WRN: variants seen among roughly 807,000 people sequenced by gnomAD.
The protein encoded by WRN is bifunctional 3'-5' exonuclease/ATP-dependent helicase WRN.
Under a neutral mutation model 180.7 loss-of-function variants are expected in WRN, and 149 were observed. That is an observed-to-expected ratio of 0.82 (90% CI 0.72 to 0.94). The LOEUF (loss-of-function observed/expected upper bound fraction) is 0.94. WRN is among the 40% of genes least tolerant of loss of function. WRN has a pLI of 0.00. For synonymous variants in WRN, 548 were observed against 568.9 expected, an observed-to-expected ratio of 0.96 and a Z score of 0.52; for missense variants, 1,661 against 1,700.1, an observed-to-expected ratio of 0.98 and a Z score of 0.40.
chr8:31,099,533 C>G (rs1256394756), intron 17 of WRN, among the ~76,000 whole-genome samples: 1 of 151,486 alleles, frequency 6.6e-6, no homozygotes, highest in Non-Finnish European at 1.5e-5. Context: ...GACTTTGACC[C>G]CATGTTTAGT....
intron 30 of WRN, among the ~76,000 whole-genome samples, chr8:31,148,521 C>T (rs1336692965): frequency 6.6e-6 from 1 of 152,100 alleles, no homozygotes. Flanking sequence ...GATTGTTTAT[C>T]ACTTGTTGAA....
At chr8:31,142,529 A>G in intron 26 of WRN, 97 bp from the exon 27 acceptor site, 1 of 948,344 alleles carries the variant, frequency 1.1e-6, no homozygotes, top group Non-Finnish European at 1.5e-6. Context: ...TAAAAGGGTA[A>G]TATCTTATTC....
rs1390394847 is a variant in WRN at position 31,081,129 on chromosome 8, G to A, written c.1102G>A (p.Glu368Lys). ...DGEDVLGNKV[E>K]RKEDGFEDGV... ...AGAAGATGTACTTGGAAATAAAGTGGAACGAAAAGAAGATGGATTTGAAGA... is the reference window on the plus strand; with the variant it reads ...AGAAGATGTACTTGGAAATAAAGTGAAACGAAAAGAAGATGGATTTGAAGA... The change falls in exon 9 of 35, where the codon GAA becomes AAA. Residue 368 changes from glutamate to lysine, a missense_variant. Physicochemically the swap from Glu to Lys is moderately conservative, Grantham distance 56. Around this residue, in one of 3 missense-constraint regions of WRN, gnomAD observed 500 missense variants for 504.1 expected, o/e 0.99. Transcript: ENST00000298139. 5 of 1,613,966 alleles carry A rather than the reference G, an allele frequency of 3.1e-6. No homozygotes were observed. The highest frequency in any genetic ancestry group is 1.3e-5 in the African/African-American group (1 of 74,994).
intron 29 of WRN, 35 bp from the exon 30 acceptor site, chr8:31,147,329 C>A: frequency 6.3e-7 from 1 of 1,598,102 alleles, no homozygotes; most frequent in South Asian, 1.1e-5. Flanking sequence ...TTTAAGTACA[C>A]TTTAAAAAGT....
chr8:31,035,578 G>A (rs1291054826), intron 1 of WRN, among the ~76,000 whole-genome samples: 1 of 152,124 alleles, frequency 6.6e-6, no homozygotes, highest in Non-Finnish European at 1.5e-5. Context: ...GAAAATTGGG[G>A]CTTTCATTCT....
chr8:31,116,890 G>C (rs1479096466), intron 20 of WRN, among the ~76,000 whole-genome samples: 1 of 152,178 alleles, frequency 6.6e-6, no homozygotes, highest in Non-Finnish European at 1.5e-5. Flanking sequence ...ACTAGCAGGT[G>C]CAAAGACACT....
At position 31,130,019 on chromosome 8, in the gene WRN, AC is replaced by A. The variant is rs202227632; in HGVS notation, c.2826-2345del. ...ACTCTTGTCTCAAAAAAAAAACAAA[AC>A]AAAACAAAAAAAAAAACTAGTAAGA... is the stretch of plus-strand genomic sequence containing the variant. On this transcript the variant is annotated intron_variant, in intron 23 of 34. Transcript: ENST00000298139. Among the ~76,000 whole-genome samples the A allele has an allele frequency of 6.1e-3, 857 of 139,890 alleles. 47 individuals carry two copies. The highest frequency in any genetic ancestry group is 0.022 in the African/African-American group (765 of 34,134). The allele number at this position is 139,890 out of a possible 152,430, so 91.8% of individuals were successfully genotyped here.
intron 1 of WRN, among the ~76,000 whole-genome samples, chr8:31,055,791 T>TTAA (rs1812250093): frequency 6.6e-6 from 1 of 152,218 alleles, no homozygotes; most frequent in Non-Finnish European, 1.5e-5. Flanking sequence ...TCATACATGC[T>TTAA]CAACGACATA....
chr8:31,146,217 A>G (rs1003873620), intron 28 of WRN, among the ~76,000 whole-genome samples: 4 of 151,060 alleles, frequency 2.6e-5, no homozygotes, highest in Non-Finnish European at 5.9e-5. Context: ...ATCTCCTATT[A>G]TGGTAGATTT....
rs1812380276 is a variant in WRN, at chr8:31,058,947, G to A, written c.97-206G>A. Among the ~76,000 whole-genome samples, 4 of 152,272 alleles carry A rather than the reference G, an allele frequency of 2.6e-5. No homozygotes were observed. The East Asian group carries it at 5.8e-4, about 22-fold the overall frequency. Reference sequence around the variant, plus strand: ...TTTATGAAAATGGGATTAGAGGTTTGAAAATAAACTTGTTAGGAGAAATAA... The same window carrying A: ...TTTATGAAAATGGGATTAGAGGTTTAAAAATAAACTTGTTAGGAGAAATAA... On this transcript the variant is annotated intron_variant, in intron 2 of 34. Coordinates refer to ENST00000298139, the MANE Select transcript of WRN (RefSeq NM_000553.6).
intron 15 of WRN, 40 bp downstream of exon 15, chr8:31,090,982 T>C (rs201998871): frequency 1.4e-6 from 2 of 1,473,162 alleles, no homozygotes; most frequent in Non-Finnish European, 1.9e-6. Context: ...ACCCTCTTTT[T>C]TTCTTCTGTG....
At chr8:31,126,082 A>G (rs953592591) in intron 23 of WRN, among the ~76,000 whole-genome samples, 2 of 151,998 alleles carry the variant, frequency 1.3e-5, no homozygotes, top group Admixed American at 6.6e-5. Flanking sequence ...GCATCTCTCA[A>G]TAATCAATAA....
At chr8:31,170,738 A>G (rs1381870488) in intron 34 of WRN, among the ~76,000 whole-genome samples, 1 of 152,190 alleles carries the variant, frequency 6.6e-6, no homozygotes, top group Non-Finnish European at 1.5e-5. Context: ...CTGATGAAGG[A>G]AATAGACACT....
chr8:31,166,885 G>A, intron 33 of WRN, 137 bp from the exon 34 acceptor site: 2 of 783,590 alleles, frequency 2.6e-6, no homozygotes, highest in Non-Finnish European at 4.0e-6. Context: ...AAGGCTATAG[G>A]CATTTGAAAG....
intron 1 of WRN, among the ~76,000 whole-genome samples, chr8:31,039,911 T>C (rs899097635): frequency 2.0e-5 from 3 of 152,210 alleles, no homozygotes; most frequent in Admixed American, 2.0e-4. Context: ...ACTTATGTTA[T>C]ATAGTCCTTT....
intron 1 of WRN, among the ~76,000 whole-genome samples, chr8:31,042,097 G>A (rs1335302483): frequency 6.6e-6 from 1 of 152,200 alleles, no homozygotes; most frequent in African/African-American, 2.4e-5. Flanking sequence ...TGTTGGAATT[G>A]AGTTTCTAGA....
At chr8:31,117,299 GC>G (rs1191229464) in intron 20 of WRN, among the ~76,000 whole-genome samples, 2 of 151,940 alleles carry the variant, frequency 1.3e-5, no homozygotes, top group Non-Finnish European at 2.9e-5. Context: ...TCCTTGGAGT[GC>G]CGCAGAATCA....
At position 31,081,199 on chromosome 8, in the gene WRN, G is replaced by C; in HGVS notation, c.1172G>C (p.Cys391Ser). 1.2e-6 allele frequency: 2 copies of C among 1,613,922 alleles called. No homozygotes were observed. Among genetic ancestry groups the C allele is most frequent in the Non-Finnish European group, 1.7e-6 (2 of 1,179,902 alleles). ...TTGAAAGAGAATATGGAAAGAGCTTGTTTGATGTCGTTAGATATTACAGAA... is the reference window on the plus strand; with the variant it reads ...TTGAAAGAGAATATGGAAAGAGCTTCTTTGATGTCGTTAGATATTACAGAA... ...NKLKENMERA[C>S]LMSLDITEHE... is the part of the protein sequence containing the mutation. Residue 391 changes from cysteine (C) to serine (S), a missense_variant, in exon 9 of 35, where the codon TGT (cysteine) becomes TCT (serine). Transcript: ENST00000298139.
intron 5 of WRN, 105 bp from the exon 6 acceptor site, chr8:31,066,928 G>T: frequency 1.4e-6 from 2 of 1,407,752 alleles, no homozygotes; most frequent in Middle Eastern, 4.3e-4. Flanking sequence ...TTGTATTTTG[G>T]TATAACATTT....
Sources: gnomAD v4.1 joint callset for allele counts (sites outside exome capture counted in the v4.1 genomes callset) on GRCh38, gnomAD v4.1.1 for gene constraint, gnomAD v4.1.1 regional missense constraint, MANE v1.5 for transcripts, NCBI Gene and HGNC (gene_info 2026-07-23, HGNC 2026-07-21) for gene names.